PRRX1: variants seen among roughly 807,000 people sequenced by gnomAD.
PRRX1 encodes paired mesoderm homeobox protein 1.
PRRX1 carries 8 observed loss-of-function variants against 24.0 expected under a neutral mutation model. That is an observed-to-expected ratio of 0.33 (90% confidence interval 0.20 to 0.60). The LOEUF (loss-of-function observed/expected upper bound fraction) is 0.60. Ranked by LOEUF, PRRX1 falls within the 20% of genes least tolerant of loss-of-function variation. The pLI, the probability that PRRX1 is intolerant of heterozygous loss-of-function variation, is 0.82. For synonymous variants in PRRX1, 160 were observed against 131.7 expected, an observed-to-expected ratio of 1.22 and a Z score of -1.47; for missense variants, 281 against 322.4, an observed-to-expected ratio of 0.87 and a Z score of 0.98.
chr1:170,719,891 C>T lies in PRRX1; in HGVS notation c.407C>T (p.Ala136Val), dbSNP rs1655026920. 1 of 1,613,974 alleles carries T rather than the reference C, an allele frequency of 6.2e-7. No homozygotes were observed. Among genetic ancestry groups the T allele is most frequent in the Non-Finnish European group, 8.5e-7 (1 of 1,179,962 alleles). ...GCCCGCCGGGTGAACCTCACCGAGG[C>T]GAGAGTGCAGGTAACTCAAGCTGTG... ...DLARRVNLTE[A>V]RVQVWFQNRR... Residue 136 changes from alanine to valine, a missense_variant, in exon 2 of 4, where the codon GCG becomes GTG. Transcript: ENST00000239461.
chr1:170,665,556 T>C (rs943023166), intron 1 of PRRX1, among the ~76,000 whole-genome samples: 1 of 152,240 alleles, frequency 6.6e-6, no homozygotes, highest in African/African-American at 2.4e-5. Context: ...ACCATTTTTG[T>C]CTTCAAATTT....
At chr1:170,724,411 T>C (rs1655187415) in intron 2 of PRRX1, among the ~76,000 whole-genome samples, 1 of 152,194 alleles carries the variant, frequency 6.6e-6, no homozygotes, top group East Asian at 1.9e-4. Flanking sequence ...GCTTTTATAG[T>C]TTGGGGTTTT....
intron 1 of PRRX1, among the ~76,000 whole-genome samples, chr1:170,681,004 C>G (rs1351785463): frequency 2.0e-5 from 3 of 152,130 alleles, no homozygotes; most frequent in African/African-American, 7.2e-5. Context: ...GATTTGTCTC[C>G]ATATTTATTT....
At chr1:170,706,283 G>T (rs1275592386) in intron 1 of PRRX1, among the ~76,000 whole-genome samples, 1 of 152,110 alleles carries the variant, frequency 6.6e-6, no homozygotes, top group Non-Finnish European at 1.5e-5. Flanking sequence ...TAAATTTATA[G>T]ATTCCAAAAA....
chr1:170,668,048 A>T (rs1653011674), intron 1 of PRRX1: 1 of 150,914 alleles, frequency 6.6e-6, no homozygotes, highest in African/African-American at 2.4e-5. Flanking sequence ...TCCTCTCTGT[A>T]GAATGCTTTC....
At chr1:170,699,005 G>T (rs1349196335) in intron 1 of PRRX1, among the ~76,000 whole-genome samples, 1 of 152,226 alleles carries the variant, frequency 6.6e-6, no homozygotes, top group African/African-American at 2.4e-5. Flanking sequence ...CAGAGTAATT[G>T]ACGGTGAAGT....
chr1:170,689,964 G>T (rs921327039), intron 1 of PRRX1, among the ~76,000 whole-genome samples: 3 of 151,364 alleles, frequency 2.0e-5, no homozygotes, highest in Non-Finnish European at 2.9e-5. Flanking sequence ...GTTCCATTTT[G>T]TCTGAGAAAG....
chr1:170,699,275 T>C (rs954081462), intron 1 of PRRX1, among the ~76,000 whole-genome samples: 6 of 152,246 alleles, frequency 3.9e-5, no homozygotes, highest in Admixed American at 3.3e-4. Context: ...AAAAGACTTT[T>C]CTGTTTCTCT....
At chr1:170,723,798 C>G (rs549886569) in intron 2 of PRRX1, among the ~76,000 whole-genome samples, 1 of 152,144 alleles carries the variant, frequency 6.6e-6, no homozygotes, top group Admixed American at 6.5e-5. Flanking sequence ...GCTTATTGCT[C>G]TTAGGTCACA....
chr1:170,707,504 C>T (rs1654608027), intron 1 of PRRX1, among the ~76,000 whole-genome samples: 1 of 152,198 alleles, frequency 6.6e-6, no homozygotes, highest in South Asian at 2.1e-4. Context: ...AATGCAAACA[C>T]TGTGTTTATA....
intron 1 of PRRX1, among the ~76,000 whole-genome samples, chr1:170,678,792 G>A (rs1201109634): frequency 6.6e-6 from 1 of 152,120 alleles, no homozygotes; most frequent in East Asian, 1.9e-4. Context: ...AGGGATAAGA[G>A]AAATAACAGA....
At chr1:170,670,468 T>C (rs1653107855) in intron 1 of PRRX1, among the ~76,000 whole-genome samples, 1 of 152,134 alleles carries the variant, frequency 6.6e-6, no homozygotes. Flanking sequence ...AGAGAAACAG[T>C]CATTAGTGGT....
chr1:170,675,528 G>T (rs1271045167), intron 1 of PRRX1, among the ~76,000 whole-genome samples: 2 of 152,016 alleles, frequency 1.3e-5, no homozygotes, highest in Admixed American at 1.3e-4. Flanking sequence ...CTATATAAAG[G>T]TATTTCTTTA....
At position 170,708,538 on chromosome 1, in the gene PRRX1, C is replaced by T. The variant is rs140840003; in HGVS notation, c.242-11188C>T. Among the ~76,000 whole-genome samples the T allele has an allele frequency of 3.3e-5, 5 of 152,244 alleles. No individual in the cohort carries two copies. The East Asian group carries it at 9.7e-4, about 29-fold the overall frequency. On this transcript the variant is annotated intron_variant, in intron 1 of 3. Coordinates refer to ENST00000239461, the MANE Select transcript of PRRX1 (RefSeq NM_022716.4). ...AAACACGGTGACTGGAAATGACTAA[C>T]TAGAAGAAAATACAACCTCAAGCTA... is the stretch of plus-strand genomic sequence containing the variant.
chr1:170,706,257 C>T (rs1654564508), intron 1 of PRRX1, among the ~76,000 whole-genome samples: 2 of 152,106 alleles, frequency 1.3e-5, no homozygotes, highest in African/African-American at 4.8e-5. Flanking sequence ...TACACAGTGT[C>T]TAGTTAATCC....
At chr1:170,689,844 CT>C (rs1653875765) in intron 1 of PRRX1, among the ~76,000 whole-genome samples, 1 of 124,972 alleles carries the variant, frequency 8.0e-6, no homozygotes, top group African/African-American at 3.8e-5. Flanking sequence ...CTCTCCCTCT[CT>C]CTCTCTCTCT....
intron 3 of PRRX1, chr1:170,726,608 C>T: frequency 1.7e-6 from 1 of 581,394 alleles, no homozygotes; most frequent in Non-Finnish European, 3.0e-6. Context: ...GAGGGGCAGG[C>T]TATCTCACCA....
At chr1:170,663,824 G>A (rs73032787), upstream of PRRX1, 19,117 of 174,156 alleles carry the variant, frequency 0.11, 1,185 homozygotes, top group African/African-American at 0.14. Context: ...TCTCCCCCTT[G>A]TTATTATTTT....
At chr1:170,686,144 T>TAA (rs11369902) in intron 1 of PRRX1, among the ~76,000 whole-genome samples, 13 of 117,522 alleles carry the variant, frequency 1.1e-4, no homozygotes, top group South Asian at 5.4e-4. Context: ...AACATTACAT[T>TAA]AAAAAAAAGC....
Sources: allele counts gnomAD v4.1 joint callset (sites outside exome capture counted in the v4.1 genomes callset), GRCh38; gene constraint gnomAD v4.1.1; transcripts MANE v1.5; gene names NCBI Gene and HGNC (gene_info 2026-07-23, HGNC 2026-07-21).